The following SPATA17 variants were observed in gnomAD, a reference collection of about 807,000 sequenced individuals.
SPATA17 encodes spermatogenesis-associated protein 17.
Under a neutral mutation model 62.2 loss-of-function variants are expected in SPATA17, and 53 were observed. The observed-to-expected ratio is 0.85, with a 90% CI of 0.68 to 1.07. SPATA17 has a LOEUF of 1.07. Among genes scored for constraint, SPATA17 ranks in the 50% least tolerant of loss-of-function variants. SPATA17 has a pLI of 0.00. For synonymous variants in SPATA17, 146 were observed against 146.8 expected, an observed-to-expected ratio of 0.99 and a Z score of 0.04; for missense variants, 466 against 425.5, an observed-to-expected ratio of 1.10 and a Z score of -0.84.
chr1:217,700,543 C>T (rs969556659), intron 5 of SPATA17, among the ~76,000 whole-genome samples: 1 of 151,926 alleles, frequency 6.6e-6, no homozygotes, highest in Admixed American at 6.6e-5. Context: ...ATATTTTTAT[C>T]CTTAGACATA....
At chr1:217,655,184 T>A (rs371075685) in intron 3 of SPATA17, among the ~76,000 whole-genome samples, 33 of 152,242 alleles carry the variant, frequency 2.2e-4, no homozygotes, top group African/African-American at 7.7e-4. Flanking sequence ...GTTTGTTGTG[T>A]CTGTTTAGTC....
chr1:217,688,154 C>T (rs573601984), intron 5 of SPATA17, among the ~76,000 whole-genome samples: 8 of 152,156 alleles, frequency 5.3e-5, no homozygotes, highest in African/African-American at 1.9e-4. Context: ...CACTTGAGCC[C>T]AGGAGTCTGA....
chr1:217,789,092 T>C (rs1255097950), intron 8 of SPATA17, among the ~76,000 whole-genome samples: 1 of 152,102 alleles, frequency 6.6e-6, no homozygotes, highest in Admixed American at 6.5e-5. Context: ...ATGATTAAAG[T>C]ATATTGTAGC....
intron 5 of SPATA17, among the ~76,000 whole-genome samples, chr1:217,721,131 T>G (rs1672116612): frequency 1.3e-5 from 2 of 152,252 alleles, no homozygotes; most frequent in African/African-American, 4.8e-5. Flanking sequence ...TCTTGGTATA[T>G]TCTTCAATCA....
intron 6 of SPATA17, among the ~76,000 whole-genome samples, chr1:217,753,362 A>G (rs1416847359): frequency 6.6e-6 from 1 of 152,208 alleles, no homozygotes; most frequent in Non-Finnish European, 1.5e-5. Context: ...TCATCGGCAC[A>G]CCAGATTTCA....
At chr1:217,677,893 GA>G (rs1405894389) in intron 4 of SPATA17, among the ~76,000 whole-genome samples, 1 of 152,070 alleles carries the variant, frequency 6.6e-6, no homozygotes, top group Non-Finnish European at 1.5e-5. Flanking sequence ...CTATATGTGT[GA>G]AACTGTATTT....
chr1:217,647,721 TA>T (rs1292636303), intron 1 of SPATA17, among the ~76,000 whole-genome samples: 3 of 150,134 alleles, frequency 2.0e-5, no homozygotes, highest in African/African-American at 7.6e-5. Flanking sequence ...AGCCTCTTTT[TA>T]AAATTTTTTT....
intron 9 of SPATA17, among the ~76,000 whole-genome samples, chr1:217,840,674 C>A (rs1231289207): frequency 6.6e-6 from 1 of 151,902 alleles, no homozygotes; most frequent in East Asian, 1.9e-4. Flanking sequence ...GCCTGGGCAA[C>A]ATGGCAAAAC....
intron 2 of SPATA17, among the ~76,000 whole-genome samples, chr1:217,650,479 C>T (rs1282134063): frequency 1.3e-5 from 2 of 151,920 alleles, no homozygotes; most frequent in African/African-American, 4.8e-5. Context: ...TGCAGTGGCG[C>T]GATCTCGGCT....
Position 217,754,532 on chromosome 1 carries a change from T to TGA in SPATA17, c.519+12435_519+12436insAG, listed in dbSNP as rs1672995447. Reference sequence around the variant, plus strand: ...TTTTGAGGACACTTCAGAAATATTTTGGATTGAGCCCAGTCATGAGTTAGA... The same window carrying TGA: ...TTTTGAGGACACTTCAGAAATATTTTGAGGATTGAGCCCAGTCATGAGTTAGA... On this transcript the variant is annotated intron_variant, in intron 6 of 10. Transcript: ENST00000366933. 3.3e-5 allele frequency among the ~76,000 whole-genome samples: 5 copies of TGA among 152,314 alleles called. No individual in the cohort carries two copies. The South Asian group carries it at 1.0e-3, about 32-fold the overall frequency.
At chr1:217,664,266 A>G (rs1348743105) in intron 3 of SPATA17, among the ~76,000 whole-genome samples, 3 of 149,904 alleles carry the variant, frequency 2.0e-5, no homozygotes, top group Admixed American at 6.7e-5. Context: ...GAAGTGTAAG[A>G]CTTTAACCTA....
intron 2 of SPATA17, among the ~76,000 whole-genome samples, chr1:217,649,934 C>CTTTTTTTTTTTTTTTTTTTTTTTTTTTTT (rs771612819): frequency 8.3e-6 from 1 of 120,462 alleles, no homozygotes; most frequent in East Asian, 2.4e-4. Context: ...AGGCTTCTCT[C>CTTTTTTTTTTTTTTTTTTTTTTTTTTTTT]TTTTTTTTTT....
chr1:217,680,520 A>AT (rs1172870851), intron 4 of SPATA17, among the ~76,000 whole-genome samples: 2 of 151,758 alleles, frequency 1.3e-5, no homozygotes, highest in African/African-American at 2.4e-5. Flanking sequence ...TAATTTTAGA[A>AT]TTTTTTTTTA....
intron 5 of SPATA17, among the ~76,000 whole-genome samples, chr1:217,729,497 G>T (rs570218966): frequency 1.3e-5 from 2 of 152,192 alleles, no homozygotes; most frequent in South Asian, 4.1e-4. Context: ...TTCTTTTATA[G>T]TAAAGTCTAT....
intron 4 of SPATA17, among the ~76,000 whole-genome samples, chr1:217,681,259 A>G (rs1451288689): frequency 6.6e-6 from 1 of 151,660 alleles, no homozygotes; most frequent in Non-Finnish European, 1.5e-5. Flanking sequence ...AAATAAAATA[A>G]AGTTATTTTC....
intron 9 of SPATA17, among the ~76,000 whole-genome samples, chr1:217,837,101 A>G (rs1343708357): frequency 6.6e-6 from 1 of 152,034 alleles, no homozygotes; most frequent in Non-Finnish European, 1.5e-5. Flanking sequence ...GGCTTGGCCT[A>G]CTCAAATGTG....
intron 4 of SPATA17, among the ~76,000 whole-genome samples, chr1:217,670,389 G>A (rs570652120): frequency 7.7e-4 from 117 of 152,200 alleles, no homozygotes; most frequent in Admixed American, 1.5e-3. Flanking sequence ...AGAAAGGTGC[G>A]TACTTTTGTG....
Position 217,867,246 on chromosome 1 carries a change from T to G in SPATA17, c.*227T>G, listed in dbSNP as rs1168661697. ...CTTGAGTCTGTTACCTCTGAGAATG[T>G]CTGTCACAATCACAGCCCCTGGTGA... On this transcript the variant is annotated 3_prime_UTR_variant, in exon 11 of 11. Coordinates refer to ENST00000366933, the MANE Select transcript of SPATA17 (RefSeq NM_138796.4). 2 of 152,204 alleles carry G rather than the reference T, an allele frequency of 1.3e-5. No homozygotes were observed. The highest frequency in any genetic ancestry group is 1.3e-4 in the Admixed American group (2 of 15,280). The allele number at this position is 152,204 out of a possible 1,614,324, so 9.4% of individuals were successfully genotyped here. A position where few individuals can be genotyped will look rare whatever the true frequency, so the allele number is the denominator to read the frequency against.
chr1:217,721,146 T>C (rs1672116783), intron 5 of SPATA17, among the ~76,000 whole-genome samples: 1 of 152,188 alleles, frequency 6.6e-6, no homozygotes, highest in African/African-American at 2.4e-5. Context: ...CAATCACATT[T>C]CCTCCTGCTG....
Sources: allele counts gnomAD v4.1 joint callset (sites outside exome capture counted in the v4.1 genomes callset), GRCh38; gene constraint gnomAD v4.1.1; transcripts MANE v1.5; gene names NCBI Gene and HGNC (gene_info 2026-07-23, HGNC 2026-07-21).